The following ZEB1 variants were observed in gnomAD, a reference collection of about 807,000 sequenced individuals.
ZEB1 encodes the protein zinc finger E-box binding homeobox 1, also known as zinc finger E-box-binding homeobox 1.
Under a neutral mutation model 84.9 loss-of-function variants are expected in ZEB1, and 21 were observed. The observed-to-expected ratio is 0.25, with a 90% confidence interval of 0.18 to 0.36. The LOEUF (loss-of-function observed/expected upper bound fraction) is 0.36, where lower values mean the gene tolerates loss of function less well. ZEB1 is among the 10% of genes least tolerant of loss of function. The probability of loss-of-function intolerance (pLI) is 1.00; values close to 1 mark genes in which losing one functional copy is unlikely to be tolerated. For synonymous variants in ZEB1, 420 were observed against 471.1 expected (o/e 0.89, Z 1.41); for missense variants, 1,104 against 1,330.2 (o/e 0.83, Z 2.65).
At chr10:31,333,325 CCAT>C (rs201056494) in intron 1 of ZEB1, among the ~76,000 whole-genome samples, 8,080 of 152,106 alleles carry the variant, frequency 0.053, 605 homozygotes, top group East Asian at 0.18. Context: ...CATACTTCCA[CCAT>C]TACATTCTCT....
At chr10:31,445,798 T>G (rs1422184648) in intron 1 of ZEB1, among the ~76,000 whole-genome samples, 1 of 104,472 alleles carries the variant, frequency 9.6e-6, no homozygotes, top group Non-Finnish European at 1.9e-5. Flanking sequence ...CTTTTTGATG[T>G]GCTGCTGGAT....
intron 1 of ZEB1, among the ~76,000 whole-genome samples, chr10:31,340,610 C>T (rs1480405686): frequency 6.6e-6 from 1 of 152,052 alleles, no homozygotes; most frequent in Non-Finnish European, 1.5e-5. Context: ...AGGCACTGTG[C>T]CAAGTGCTAG....
chr10:31,486,850 ACT>A (rs1224016847), intron 2 of ZEB1, among the ~76,000 whole-genome samples: 1 of 150,168 alleles, frequency 6.7e-6, no homozygotes, highest in East Asian at 2.0e-4. Flanking sequence ...ATGTGCAGGA[ACT>A]CTGCTTAACT....
intron 1 of ZEB1, among the ~76,000 whole-genome samples, chr10:31,419,084 G>A (rs1029859471): frequency 1.3e-5 from 2 of 152,138 alleles, no homozygotes; most frequent in East Asian, 3.8e-4. Flanking sequence ...GGAGTTTCCA[G>A]TATAATGCCA....
intron 1 of ZEB1, among the ~76,000 whole-genome samples, chr10:31,377,969 T>C (rs908196517): frequency 5.3e-5 from 8 of 151,530 alleles, no homozygotes; most frequent in Admixed American, 5.3e-4. Context: ...AAACAGCAGA[T>C]TAGCATTTTA....
chr10:31,397,940 A>G (rs116208519), intron 1 of ZEB1, among the ~76,000 whole-genome samples: 3,706 of 152,288 alleles, frequency 0.024, 153 homozygotes, highest in African/African-American at 0.083. Context: ...GTATATTTAT[A>G]TAATTTTAGC....
Position 31,387,014 on chromosome 10 carries a change from T to C in ZEB1, c.58+67722T>C, listed in dbSNP as rs1312188865. On this transcript the variant is annotated intron_variant, in intron 1 of 8. Transcript: ENST00000424869. ...GAGAATGTGATTTTAAGAATACTCA[T>C]GATTTTATCTAATTTCTGTTCTCAA... 4.8e-6 allele frequency: 4 copies of C among 836,752 alleles called. No homozygotes were observed. The East Asian group carries it at 4.9e-4, about 103-fold the overall frequency. The allele number at this position is 836,752 out of a possible 1,614,324, so 51.8% of individuals were successfully genotyped here. A position where few individuals can be genotyped will look rare whatever the true frequency, so the allele number is the denominator to read the frequency against.
In ZEB1 at chr10:31,392,111, G is replaced by T. The variant is rs554366161; in HGVS notation, c.59-68926G>T. On this transcript the variant is annotated intron_variant, in intron 1 of 8. Coordinates refer to ENST00000424869, the MANE Select transcript of ZEB1 (RefSeq NM_001174096.2). ...AACTTGAAAATACCAGCCTAAATGG[G>T]AGCAGTTAGTTTGCTAATGCTTTCT... Among the ~76,000 whole-genome samples, 143 of 152,154 alleles carry T rather than the reference G, an allele frequency of 9.4e-4. 2 individuals carry two copies. Among genetic ancestry groups the T allele is most frequent in the African/African-American group, 3.4e-3 (140 of 41,532 alleles).
rs922552452 is a variant in ZEB1, at chr10:31,319,267, G to A, written c.33G>A (p.Lys11=). 1.9e-6 allele frequency: 3 copies of A among 1,610,388 alleles called. No homozygotes were observed. Among genetic ancestry groups the A allele is most frequent in the Admixed American group, 1.7e-5 (1 of 59,642 alleles). ...ATGGCCCCAGGTGTAAGCGCAGAAA[G>A]CAGGCGAACCCGCGGCGCAATAACG... MADGPRCKRR[K]QANPRRNNVT... Residue 11 remains lysine (K), a synonymous_variant, in exon 1 of 9, where the codon AAG becomes AAA. Coordinates refer to ENST00000424869, the MANE Select transcript of ZEB1 (RefSeq NM_001174096.2).
At chr10:31,354,333 G>C (rs1356952832) in intron 1 of ZEB1, among the ~76,000 whole-genome samples, 1 of 152,086 alleles carries the variant, frequency 6.6e-6, no homozygotes, top group Admixed American at 6.5e-5. Flanking sequence ...TTGTATAGCA[G>C]TTAATTTAAA....
At chr10:31,321,027 A>C in intron 1 of ZEB1, 1 of 533,772 alleles carries the variant, frequency 1.9e-6, no homozygotes, top group Non-Finnish European at 2.4e-6. Context: ...AGGGGCAATA[A>C]ATGCGTCTAT....
chr10:31,490,883 C>T (rs886559020), intron 2 of ZEB1, among the ~76,000 whole-genome samples: 8 of 151,706 alleles, frequency 5.3e-5, no homozygotes, highest in East Asian at 1.9e-4. Flanking sequence ...CAGTTGTATT[C>T]GGGATGCAGT....
intron 6 of ZEB1, among the ~76,000 whole-genome samples, chr10:31,517,344 A>G (rs59388102): frequency 1.4e-3 from 211 of 152,178 alleles, no homozygotes; most frequent in African/African-American, 4.9e-3. Flanking sequence ...TTGAGCTATC[A>G]TGAGGAAAAG....
chr10:31,429,080 T>TA (rs2057351372), intron 1 of ZEB1, among the ~76,000 whole-genome samples: 1 of 152,184 alleles, frequency 6.6e-6, no homozygotes, highest in Non-Finnish European at 1.5e-5. Flanking sequence ...TTAATAGTGA[T>TA]ATGTGTGGAT....
intron 3 of ZEB1, among the ~76,000 whole-genome samples, chr10:31,500,180 A>G (rs1478890497): frequency 1.3e-5 from 2 of 152,090 alleles, no homozygotes; most frequent in African/African-American, 2.4e-5. Flanking sequence ...AAGAAATCAC[A>G]TAAAATATTA....
intron 1 of ZEB1, among the ~76,000 whole-genome samples, chr10:31,450,889 T>TGTGTGTGTGTGTGC (rs1298119947): frequency 7.2e-5 from 11 of 151,970 alleles, no homozygotes; most frequent in African/African-American, 2.4e-4. Context: ...TGTGTGTGTG[T>TGTGTGTGTGTGTGC]GCGTGCGTGC....
intron 1 of ZEB1, among the ~76,000 whole-genome samples, chr10:31,451,740 T>C (rs1392421937): frequency 1.3e-5 from 2 of 152,276 alleles, no homozygotes; most frequent in African/African-American, 2.4e-5. Context: ...AATTAGCTCA[T>C]TGAGTGGATG....
chr10:31,458,801 T>A (rs1328231915), intron 1 of ZEB1, among the ~76,000 whole-genome samples: 2 of 152,038 alleles, frequency 1.3e-5, no homozygotes, highest in Non-Finnish European at 2.9e-5. Flanking sequence ...GGCAAAAAAA[T>A]TATCAATAGA....
chr10:31,474,911 G>A (rs910810317), intron 2 of ZEB1, among the ~76,000 whole-genome samples: 11 of 152,066 alleles, frequency 7.2e-5, no homozygotes, highest in African/African-American at 1.9e-4. Context: ...GTCCTTTGTA[G>A]GGACATGGAT....
Sources: gnomAD v4.1 joint callset for allele counts (sites outside exome capture counted in the v4.1 genomes callset) on GRCh38, gnomAD v4.1.1 for gene constraint, MANE v1.5 for transcripts, NCBI Gene and HGNC (gene_info 2026-07-23, HGNC 2026-07-21) for gene names.